Variants in LPP observed in about 807,000 individuals in gnomAD.
LPP encodes LIM domain containing preferred translocation partner in lipoma.
LPP carries 38 observed loss-of-function variants against 60.4 expected under a neutral mutation model. The observed-to-expected ratio is 0.63, with a 90% CI of 0.49 to 0.83. The LOEUF (loss-of-function observed/expected upper bound fraction) is 0.83, where lower values mean the gene tolerates loss of function less well. Ranked by LOEUF, LPP falls within the 40% of genes least tolerant of loss-of-function variation. The pLI is 0.00. For missense variants in LPP, 902 were observed against 783.6 expected (o/e 1.15, Z -1.80); for synonymous variants, 328 against 290.8 (o/e 1.13, Z -1.30).
chr3:188,338,150 A>G (rs187020299), intron 2 of LPP, among the ~76,000 whole-genome samples: 2 of 152,384 alleles, frequency 1.3e-5, no homozygotes, highest in African/African-American at 4.8e-5. Flanking sequence ...ATAGATGCTG[A>G]CAGGTGTGGA....
chr3:188,157,059 A>G (rs929806597), intron 1 of LPP, among the ~76,000 whole-genome samples: 6 of 152,314 alleles, frequency 3.9e-5, no homozygotes, highest in Non-Finnish European at 7.4e-5. Context: ...TCTTATTACA[A>G]TGTACCATAG....
intron 4 of LPP, among the ~76,000 whole-genome samples, chr3:188,422,572 T>C (rs1216594992): frequency 1.3e-5 from 2 of 152,138 alleles, no homozygotes; most frequent in Non-Finnish European, 2.9e-5. Context: ...AGAGATGAGA[T>C]TGTGACTAGG....
intron 2 of LPP, among the ~76,000 whole-genome samples, chr3:188,329,946 A>T: frequency 6.6e-6 from 1 of 152,206 alleles, no homozygotes; most frequent in East Asian, 1.9e-4. Flanking sequence ...ATCATCCTTT[A>T]TATCACTATA....
At chr3:188,645,552 T>G (rs1356322768) in intron 7 of LPP, among the ~76,000 whole-genome samples, 2 of 152,144 alleles carry the variant, frequency 1.3e-5, no homozygotes, top group African/African-American at 2.4e-5. Flanking sequence ...GAGTACAAGG[T>G]CACTTTTCAT....
Position 188,480,099 on chromosome 3 carries a change from C to T in LPP, c.194-4493C>T, listed in dbSNP as rs780644348. 1.2e-4 allele frequency among the ~76,000 whole-genome samples: 19 copies of T among 152,242 alleles called. 1 individual carries two copies. Among genetic ancestry groups the T allele is most frequent in the South Asian group, 4.1e-4 (2 of 4,824 alleles). ...GCTAACCATCCCTGCTTCTCAAGGCCGCATCCTTTTTACCCCTAGATTAAA... is the reference window on the plus strand; with the variant it reads ...GCTAACCATCCCTGCTTCTCAAGGCTGCATCCTTTTTACCCCTAGATTAAA... On this transcript the variant is annotated intron_variant, in intron 4 of 11. Transcript: ENST00000617246.
intron 7 of LPP, among the ~76,000 whole-genome samples, chr3:188,644,427 T>A (rs1337650815): frequency 6.6e-6 from 1 of 152,216 alleles, no homozygotes; most frequent in African/African-American, 2.4e-5. Context: ...ACCTTGTGAC[T>A]CTGAGCAAAG....
intron 7 of LPP, among the ~76,000 whole-genome samples, chr3:188,663,949 G>A (rs765785580): frequency 3.9e-5 from 6 of 152,266 alleles, no homozygotes; most frequent in South Asian, 4.1e-4. Flanking sequence ...ATGCTGGCTC[G>A]CCTGCCACTC....
chr3:188,481,260 G>A (rs933476084), intron 4 of LPP, among the ~76,000 whole-genome samples: 13 of 152,200 alleles, frequency 8.5e-5, no homozygotes, highest in African/African-American at 2.6e-4. Context: ...ACATTTGCCC[G>A]TTCCTCTACA....
At chr3:188,832,180 T>C (rs1757296980) in intron 9 of LPP, among the ~76,000 whole-genome samples, 1 of 152,174 alleles carries the variant, frequency 6.6e-6, no homozygotes, top group African/African-American at 2.4e-5. Context: ...GGGTGTAACT[T>C]ACCATGATTA....
chr3:188,809,495 T>A (rs1371928827), intron 9 of LPP, among the ~76,000 whole-genome samples: 1 of 152,226 alleles, frequency 6.6e-6, no homozygotes, highest in Non-Finnish European at 1.5e-5. Flanking sequence ...GAGAAGTGTC[T>A]GTTCATATCC....
chr3:188,639,243 C>G (rs1849528123), intron 7 of LPP, among the ~76,000 whole-genome samples: 1 of 151,954 alleles, frequency 6.6e-6, no homozygotes, highest in Admixed American at 6.6e-5. Context: ...TTTGACAAAC[C>G]TGAGAAAAAC....
intron 4 of LPP, among the ~76,000 whole-genome samples, chr3:188,456,303 G>A (rs939236691): frequency 6.6e-5 from 10 of 152,184 alleles, no homozygotes; most frequent in African/African-American, 2.2e-4. Context: ...CTTGGTGTAA[G>A]TACAGTTTTT....
chr3:188,379,599 C>G (rs1328850536), intron 3 of LPP, among the ~76,000 whole-genome samples: 3 of 152,214 alleles, frequency 2.0e-5, no homozygotes, highest in Non-Finnish European at 4.4e-5. Flanking sequence ...CGGTACTAAG[C>G]AACCACGAAT....
At chr3:188,304,359 G>T (rs558741656) in intron 2 of LPP, among the ~76,000 whole-genome samples, 1 of 152,178 alleles carries the variant, frequency 6.6e-6, no homozygotes, top group Non-Finnish European at 1.5e-5. Context: ...AAGCCTAAAA[G>T]GTGGGCAGGG....
intron 7 of LPP, among the ~76,000 whole-genome samples, chr3:188,634,022 A>G (rs1848282612): frequency 6.7e-6 from 1 of 149,590 alleles, no homozygotes; most frequent in Non-Finnish European, 1.5e-5. Context: ...TCAACACAAG[A>G]TATATTTTAA....
chr3:188,420,769 G>A (rs75742945), intron 4 of LPP, among the ~76,000 whole-genome samples: 3,867 of 152,160 alleles, frequency 0.025, 172 homozygotes, highest in African/African-American at 0.09. Flanking sequence ...TTTTATTTCT[G>A]CTCTTACCAA....
intron 6 of LPP, among the ~76,000 whole-genome samples, chr3:188,579,018 T>C (rs772995058): frequency 3.3e-5 from 5 of 152,162 alleles, no homozygotes; most frequent in African/African-American, 4.8e-5. Context: ...CTGGTAGTCA[T>C]TGATCACTTA....
intron 2 of LPP, among the ~76,000 whole-genome samples, chr3:188,288,984 T>A (rs1170014858): frequency 1.3e-5 from 2 of 152,044 alleles, no homozygotes; most frequent in Admixed American, 1.3e-4. Flanking sequence ...TCATTTTTCT[T>A]CCTTATTTCT....
chr3:188,760,180 C>G lies in LPP; in HGVS notation c.1308C>G (p.Val436=), dbSNP rs370437622. 6.2e-7 allele frequency: 1 copy of G among 1,614,044 alleles called. No homozygotes were observed. Among genetic ancestry groups the G allele is most frequent in the Non-Finnish European group, 8.5e-7 (1 of 1,179,968 alleles). Residue 436 remains valine, a synonymous_variant, in exon 9 of 12, where the codon GTC becomes GTG. Coordinates refer to ENST00000617246, the MANE Select transcript of LPP (RefSeq NM_001375462.1). ...EGTGCTAMDQ[V]FHVDCFTCII... ...CAGGATGCACTGCCATGGATCAGGT[C>G]TTCCACGTGGATTGTTTTACCTGCA...
Sources: gnomAD v4.1 joint callset for allele counts (sites outside exome capture counted in the v4.1 genomes callset) on GRCh38, gnomAD v4.1.1 for gene constraint, MANE v1.5 for transcripts, NCBI Gene and HGNC (gene_info 2026-07-23, HGNC 2026-07-21) for gene names.